The following THOP1 variants were observed in gnomAD, a reference collection of about 807,000 sequenced individuals.
THOP1 encodes thimet oligopeptidase.
A neutral mutation model predicts 71.8 loss-of-function variants in THOP1; 49 were observed. The observed-to-expected ratio is 0.68, with a 90% CI of 0.54 to 0.87. The LOEUF is 0.87. Among genes scored for constraint, THOP1 ranks in the 40% least tolerant of loss-of-function variants. The probability of loss-of-function intolerance (pLI) is 0.00; values close to 1 mark genes in which losing one functional copy is unlikely to be tolerated. For missense variants in THOP1, 843 were observed against 975.6 expected (o/e 0.86, Z 1.81); for synonymous variants, 426 against 421.5 (o/e 1.01, Z -0.13).
At chr19:2,803,176 G>A (rs376350621) in intron 5 of THOP1, among the ~76,000 whole-genome samples, 1 of 152,240 alleles carries the variant, frequency 6.6e-6, no homozygotes, top group African/African-American at 2.4e-5. Context: ...AGTGGAGGGT[G>A]ACTTAGGCAC....
At chr19:2,791,894 C>T (rs578149152) in intron 2 of THOP1, among the ~76,000 whole-genome samples, 1 of 152,358 alleles carries the variant, frequency 6.6e-6, no homozygotes, top group South Asian at 2.1e-4. Flanking sequence ...CAGCGCCCTG[C>T]ACCGTCTGTG....
chr19:2,794,804 C>A lies in THOP1; in HGVS notation c.270C>A (p.Pro90=), dbSNP rs36054718. 5 of 1,613,992 alleles carry A rather than the reference C, an allele frequency of 3.1e-6. No homozygotes were observed. The Admixed American group carries it at 5.0e-5, about 16-fold the overall frequency. Residue 90 remains proline (P), a synonymous_variant, in exon 3 of 13, where the codon CCC becomes CCA. Transcript: ENST00000307741. ...TTGACTTCCCCCAGCATGTTTCCCC[C>A]TCCAAGGACATCCGGACAGCCAGCA... ...NILDFPQHVS[P]SKDIRTASTE... is the part of the protein sequence containing the mutation.
chr19:2,799,970 A>T (rs1370320210), intron 5 of THOP1, among the ~76,000 whole-genome samples, 179 bp downstream of exon 5: 2 of 152,220 alleles, frequency 1.3e-5, no homozygotes, highest in Non-Finnish European at 2.9e-5. Flanking sequence ...GAAGCGCTCC[A>T]GGGCCGTTTA....
At position 2,807,815 on chromosome 19, in the gene THOP1, G is replaced by A. The variant is rs764468813; in HGVS notation, c.1253+7G>A. ...ACCTGGACCTGTACCCGCGGTGGGTGAGGGCAGCGGGGGCGGGGGGCGCAC... is the reference window on the plus strand; with the variant it reads ...ACCTGGACCTGTACCCGCGGTGGGTAAGGGCAGCGGGGGCGGGGGGCGCAC... On this transcript the variant is annotated splice_region_variant and intron_variant, in intron 8 of 12. Coordinates refer to ENST00000307741, the MANE Select transcript of THOP1 (RefSeq NM_003249.5). The A allele has an allele frequency of 1.4e-6, 2 of 1,472,018 alleles. No homozygotes were observed. The highest frequency in any genetic ancestry group is 1.8e-6 in the Non-Finnish European group (2 of 1,114,690). 91.2% of individuals were successfully genotyped at this position (1,472,018 alleles called of 1,614,324 possible). A position where few individuals can be genotyped will look rare whatever the true frequency, so the allele number is the denominator to read the frequency against.
chr19:2,792,860 T>A (rs1915919031), intron 2 of THOP1, among the ~76,000 whole-genome samples: 2 of 152,132 alleles, frequency 1.3e-5, no homozygotes, highest in South Asian at 4.1e-4. Flanking sequence ...ATGATTTGCA[T>A]AACATACAGT....
Position 2,813,243 on chromosome 19 carries a change from C to T in THOP1, c.2037C>T (p.Val679=), listed in dbSNP as rs746560028. Residue 679 remains valine, a synonymous_variant, in exon 13 of 13, where the codon GTC becomes GTT. Coordinates refer to ENST00000307741, the MANE Select transcript of THOP1 (RefSeq NM_003249.5). ...TCCTCCTGAGCAAGGGGCTGCAGGT[C>T]GGGGGCTGCGAGCCCGAGCCGCAGG... ...DAFLLSKGLQ[V]GGCEPEPQVC 1.2e-5 allele frequency: 19 copies of T among 1,610,472 alleles called. No individual in the cohort carries two copies. The highest frequency in any genetic ancestry group is 4.5e-5 in the East Asian group (2 of 44,760).
intron 8 of THOP1, 86 bp from the exon 9 acceptor site, chr19:2,808,157 C>T (rs933776906): frequency 7.0e-7 from 1 of 1,429,262 alleles, no homozygotes; most frequent in Non-Finnish European, 9.6e-7. Context: ...TCTGGGTTAG[C>T]AGTCAGGTGG....
rs143984025 is a variant in THOP1, at chr19:2,799,730, C to T, written c.528C>T (p.Ile176=). The T allele has an allele frequency of 1.3e-4, 217 of 1,613,730 alleles. No individual in the cohort carries two copies. Among genetic ancestry groups the T allele is most frequent in the Non-Finnish European group, 1.8e-4 (210 of 1,179,904 alleles). Residue 176 remains isoleucine (I), a synonymous_variant, in exon 5 of 13, where the codon ATC becomes ATT. Transcript: ENST00000307741. ...AGAAGAAGCTGAGCCTTCTGTGCATCGACTTCAACAAGAACCTGAACGAGG... is the reference window on the plus strand; with the variant it reads ...AGAAGAAGCTGAGCCTTCTGTGCATTGACTTCAACAAGAACCTGAACGAGG... ...RIKKKLSLLC[I]DFNKNLNEDT... is the part of the protein sequence containing the mutation.
chr19:2,810,954 C>CG (rs996456836), intron 11 of THOP1, among the ~76,000 whole-genome samples, 186 bp downstream of exon 11: 1 of 152,216 alleles, frequency 6.6e-6, no homozygotes, highest in African/African-American at 2.4e-5. Flanking sequence ...GGCCCAGGGT[C>CG]GGGGACGGGT....
chr19:2,802,281 C>A (rs1394344297), intron 5 of THOP1, among the ~76,000 whole-genome samples: 1 of 147,460 alleles, frequency 6.8e-6, no homozygotes, highest in Non-Finnish European at 1.5e-5. Flanking sequence ...CTCCCGACAC[C>A]CCCACCTCCC....
rs1167087311 is a variant in THOP1 at position 2,801,027 on chromosome 19, G to A, written c.589+1236G>A. On this transcript the variant is annotated intron_variant, in intron 5 of 12. Coordinates refer to ENST00000307741, the MANE Select transcript of THOP1 (RefSeq NM_003249.5). This position sits in a 1 kb window ranked among gnomAD's most constrained non-coding sequence, Gnocchi z 5.1. ...CAAGTGACTCCCAAGGAGACTGGGC[G>A]TCCAGCTCAAATCTGCCTCCTGTGC... is the stretch of plus-strand genomic sequence containing the variant. Among the ~76,000 whole-genome samples, 3 of 152,338 alleles carry A rather than the reference G, an allele frequency of 2.0e-5. No homozygotes were observed. The highest frequency in any genetic ancestry group is 3.9e-4 in the East Asian group (2 of 5,182).
chr19:2,800,864 C>T (rs540034296), intron 5 of THOP1, among the ~76,000 whole-genome samples: 20 of 152,044 alleles, frequency 1.3e-4, no homozygotes, highest in African/African-American at 4.1e-4. Flanking sequence ...CCGCACCGTC[C>T]CCGCGGCCAC....
intron 1 of THOP1, among the ~76,000 whole-genome samples, chr19:2,789,069 C>T (rs77108053): frequency 0.014 from 2,078 of 152,326 alleles, 29 homozygotes; most frequent in Non-Finnish European, 0.019. Flanking sequence ...CCAGGCCTGC[C>T]TATTTTTGTA....
At chr19:2,810,952 GT>G (rs1310267292) in intron 11 of THOP1, among the ~76,000 whole-genome samples, 184 bp downstream of exon 11, 1 of 152,254 alleles carries the variant, frequency 6.6e-6, no homozygotes, top group Non-Finnish European at 1.5e-5. Context: ...CAGGCCCAGG[GT>G]CGGGGACGGG....
In THOP1 at chr19:2,801,751, C is replaced by T. The variant is rs990094317; in HGVS notation, c.589+1960C>T. 5.9e-5 allele frequency among the ~76,000 whole-genome samples: 9 copies of T among 152,196 alleles called. No homozygotes were observed. Among genetic ancestry groups the T allele is most frequent in the South Asian group, 2.1e-4 (1 of 4,824 alleles). ...TGGTGGGGACTCTGGAGCCCTGAGG[C>T]GGCCAGGGTGTCACATGGCAAGGGG... On this transcript the variant is annotated intron_variant, in intron 5 of 12. Transcript: ENST00000307741. The surrounding 1 kb of genome is among the most constrained non-coding windows in gnomAD (Gnocchi z 5.1).
At position 2,801,173 on chromosome 19, in the gene THOP1, G is replaced by T. The variant is rs563172323; in HGVS notation, c.589+1382G>T. Reference sequence around the variant, plus strand: ...CTTGGGCACGCACAGTTATCTGTCCGTGCCAGCTCGTGGGTCCTGGGTGTG... The same window carrying T: ...CTTGGGCACGCACAGTTATCTGTCCTTGCCAGCTCGTGGGTCCTGGGTGTG... On this transcript the variant is annotated intron_variant, in intron 5 of 12. Transcript: ENST00000307741. This position sits in a 1 kb window ranked among gnomAD's most constrained non-coding sequence, Gnocchi z 5.1. Among the ~76,000 whole-genome samples, 3 of 152,180 alleles carry T rather than the reference G, an allele frequency of 2.0e-5. No individual in the cohort carries two copies. Among genetic ancestry groups the T allele is most frequent in the African/African-American group, 7.2e-5 (3 of 41,430 alleles).
At chr19:2,812,040 G>A in intron 12 of THOP1, 1 of 1,072,110 alleles carries the variant, frequency 9.3e-7, no homozygotes, top group Non-Finnish European at 1.3e-6. Context: ...GCTCCACACT[G>A]GCCCCTCAGG....
At position 2,786,913 on chromosome 19, in the gene THOP1, GCCACCACGC is replaced by G. The variant is rs375618581; in HGVS notation, c.16+1239_16+1247del. The stretch of plus-strand genomic sequence containing the variant: ...TGAGTAGCTGGGACTACAGGCGCCT[GCCACCACGC>G]CCAGCTAATTTTTTTTGTATTTTTA... On this transcript the variant is annotated intron_variant, in intron 1 of 12. Coordinates refer to ENST00000307741, the MANE Select transcript of THOP1 (RefSeq NM_003249.5). 8.4e-3 allele frequency: 1,285 copies of G among 152,162 alleles called. 21 individuals carry two copies. The highest frequency in any genetic ancestry group is 0.03 in the African/African-American group (1,231 of 41,448). The allele number at this position is 152,162 out of a possible 1,614,324, so 9.4% of individuals were successfully genotyped here.
chr19:2,796,888 A>T (rs563389423), intron 4 of THOP1, among the ~76,000 whole-genome samples: 3 of 152,292 alleles, frequency 2.0e-5, no homozygotes, highest in Non-Finnish European at 2.9e-5. Context: ...GGTGTGCCTG[A>T]TGTGGGCGTC....
Sources: gnomAD v4.1 joint callset for allele counts (sites outside exome capture counted in the v4.1 genomes callset) on GRCh38, gnomAD v4.1.1 for gene constraint, Gnocchi (gnomAD v3.1) non-coding constraint, MANE v1.5 for transcripts, NCBI Gene and HGNC (gene_info 2026-07-23, HGNC 2026-07-21) for gene names.